Variants in HERC4 observed in about 807,000 individuals in gnomAD.
HERC4 encodes HECT and RLD domain containing E3 ubiquitin protein ligase 4.
A neutral mutation model predicts 124.3 loss-of-function variants in HERC4; 28 were observed. The ratio of observed to expected loss-of-function variants is 0.23; its 90% CI spans 0.17 to 0.31. The LOEUF is 0.31. Among genes scored for constraint, HERC4 ranks in the 10% least tolerant of loss-of-function variants. HERC4 has a pLI of 1.00. For synonymous variants in HERC4, 407 were observed against 421.5 expected (o/e 0.97, Z 0.42); for missense variants, 713 against 1,229.3 (o/e 0.58, Z 6.28).
intron 24 of HERC4, among the ~76,000 whole-genome samples, chr10:67,924,123 T>C (rs991586439): frequency 1.3e-5 from 2 of 152,192 alleles, no homozygotes; most frequent in African/African-American, 4.8e-5. Context: ...CTGTGAGCTC[T>C]GTATCCATGG....
chr10:68,007,613 C>A (rs955861356), intron 9 of HERC4: 1 of 152,042 alleles, frequency 6.6e-6, no homozygotes, highest in Admixed American at 6.6e-5. Flanking sequence ...GAAGGCATTC[C>A]AAGTATTCAA....
chr10:67,965,426 T>A (rs561456400), intron 16 of HERC4: 1 of 152,184 alleles, frequency 6.6e-6, no homozygotes, highest in African/African-American at 2.4e-5. Context: ...TCATTGTTTG[T>A]TGAATAAGCA....
Position 67,988,738 on chromosome 10 carries a change from A to G in HERC4, c.1731T>C (p.Gly577=). 2 of 1,605,970 alleles carry G rather than the reference A, an allele frequency of 1.2e-6. No homozygotes were observed. The highest frequency in any genetic ancestry group is 1.7e-6 in the Non-Finnish European group (2 of 1,175,958). The change falls in exon 15 of 25, where the codon GGT becomes GGC. Residue 577 remains glycine, a synonymous_variant. Transcript: ENST00000373700. ...VVHLLKLYKI[G]IPPSERRIFN... Reference sequence around the variant, plus strand: ...AAATTCTTCTTTCAGAAGGGGGAATACCGATCTTGTAGAGTTTCAAAAGAT... The same window carrying G: ...AAATTCTTCTTTCAGAAGGGGGAATGCCGATCTTGTAGAGTTTCAAAAGAT...
In HERC4 at chr10:67,983,135, C is replaced by T. The variant is rs933605868; in HGVS notation, c.1806+5528G>A. ...CATATGAAAAGGCGCTCAATACCAC[C>T]GAACACCAGTGAAATGCAAATCAAA... On this transcript the variant is annotated intron_variant, in intron 15 of 24. Transcript: ENST00000373700. 5.9e-5 allele frequency among the ~76,000 whole-genome samples: 9 copies of T among 151,470 alleles called. No homozygotes were observed. The South Asian group carries it at 1.0e-3, about 18-fold the overall frequency.
chr10:68,042,961 T>C (rs2039843618), intron 4 of HERC4, among the ~76,000 whole-genome samples: 2 of 152,148 alleles, frequency 1.3e-5, no homozygotes, highest in Admixed American at 6.5e-5. Context: ...TTAAAGTTAA[T>C]ACAGATGTTG....
At chr10:68,030,306 T>G (rs1259850036) in intron 7 of HERC4, among the ~76,000 whole-genome samples, 2 of 151,756 alleles carry the variant, frequency 1.3e-5, no homozygotes, top group Non-Finnish European at 2.9e-5. Context: ...CCGGGTGTGA[T>G]CGTGCATGCC....
At chr10:67,958,672 A>AGTTTAACTTT (rs1302126591) in intron 16 of HERC4, among the ~76,000 whole-genome samples, 1 of 152,356 alleles carries the variant, frequency 6.6e-6, no homozygotes, top group African/African-American at 2.4e-5. Flanking sequence ...TCATACAAAA[A>AGTTTAACTTT]GTTTAACTTT....
chr10:68,061,057 TTC>T (rs896325016), intron 3 of HERC4, among the ~76,000 whole-genome samples: 2 of 152,156 alleles, frequency 1.3e-5, no homozygotes, highest in African/African-American at 4.8e-5. Flanking sequence ...CCCACACCGT[TTC>T]CCTTTCACAG....
In HERC4 at chr10:67,978,763, G is replaced by A. The variant is rs2035752895; in HGVS notation, c.1806+9900C>T. ...TGTGTCACTCCACCCCCAGCTCCAG[G>A]TGCCTCAGAACAGACAAAGTTTGTT... On this transcript the variant is annotated intron_variant, in intron 15 of 24. Transcript: ENST00000373700. Among the ~76,000 whole-genome samples the A allele has an allele frequency of 2.0e-5, 3 of 152,162 alleles. No homozygotes were observed. In the South Asian group the frequency reaches 6.2e-4, roughly 32 times the overall value.
At chr10:68,045,022 C>T (rs900961398) in intron 3 of HERC4, among the ~76,000 whole-genome samples, 1 of 152,114 alleles carries the variant, frequency 6.6e-6, no homozygotes, top group South Asian at 2.1e-4. Flanking sequence ...TGAAGTGATT[C>T]TGAAATTAAG....
At chr10:67,925,935 C>T (rs1192869673) in intron 23 of HERC4, among the ~76,000 whole-genome samples, 1 of 152,186 alleles carries the variant, frequency 6.6e-6, no homozygotes, top group Non-Finnish European at 1.5e-5. Flanking sequence ...AGCCAATATT[C>T]TGACTGCAAC....
chr10:67,929,525 C>CT (rs1161338687), intron 23 of HERC4, among the ~76,000 whole-genome samples: 1 of 148,572 alleles, frequency 6.7e-6, no homozygotes, highest in Non-Finnish European at 1.5e-5. Flanking sequence ...ATCAATAGTG[C>CT]TTTTTTTTCT....
chr10:67,955,467 A>G, intron 17 of HERC4: 1 of 184,390 alleles, frequency 5.4e-6, no homozygotes, highest in Non-Finnish European at 1.1e-5. Context: ...GCAAAAACAA[A>G]CCTTTAAAGA....
At chr10:68,020,168 T>A (rs1268155398) in intron 8 of HERC4, among the ~76,000 whole-genome samples, 2 of 152,072 alleles carry the variant, frequency 1.3e-5, no homozygotes, top group African/African-American at 4.8e-5. Flanking sequence ...CCTACAATGA[T>A]CAAAAACCAA....
intron 11 of HERC4, 121 bp downstream of exon 11, chr10:67,992,078 G>C (rs1222938103): frequency 1.7e-5 from 14 of 839,590 alleles, no homozygotes; most frequent in Non-Finnish European, 1.8e-6. Flanking sequence ...GTATTTTTTT[G>C]TAGAGACAGG....
chr10:68,057,586 T>C (rs1207060653), intron 3 of HERC4, among the ~76,000 whole-genome samples: 1 of 149,152 alleles, frequency 6.7e-6, no homozygotes, highest in Admixed American at 6.7e-5. Context: ...ATCACGCCAC[T>C]GCACTCCAGC....
intron 23 of HERC4, among the ~76,000 whole-genome samples, chr10:67,931,440 A>AC (rs1452737709): frequency 1.3e-5 from 2 of 151,830 alleles, no homozygotes; most frequent in African/African-American, 4.8e-5. Flanking sequence ...CAGAACGAAA[A>AC]CCCATTCAGC....
chr10:67,986,857 T>C (rs1199129503), intron 15 of HERC4, among the ~76,000 whole-genome samples: 5 of 152,178 alleles, frequency 3.3e-5, no homozygotes, highest in Non-Finnish European at 7.3e-5. Context: ...ATACTATATG[T>C]GATCTAGAAT....
chr10:68,057,620 T>C (rs934156618), intron 3 of HERC4, among the ~76,000 whole-genome samples: 2 of 146,908 alleles, frequency 1.4e-5, no homozygotes, highest in African/African-American at 5.2e-5. Context: ...TGAGACTCTG[T>C]CTCAAAAAAA....
Sources: allele counts gnomAD v4.1 joint callset (sites outside exome capture counted in the v4.1 genomes callset), GRCh38; gene constraint gnomAD v4.1.1; transcripts MANE v1.5; gene names NCBI Gene and HGNC (gene_info 2026-07-23, HGNC 2026-07-21).